The following KAZN variants were observed in gnomAD, a reference collection of about 807,000 sequenced individuals.
The protein encoded by KAZN is kazrin.
KAZN carries 40 observed loss-of-function variants against 87.4 expected under a neutral mutation model. That is an observed-to-expected ratio of 0.46 (90% confidence interval 0.36 to 0.60). The LOEUF (loss-of-function observed/expected upper bound fraction) is 0.60, where lower values mean the gene tolerates loss of function less well. KAZN is among the 20% of genes least tolerant of loss of function. The pLI, the probability that KAZN is intolerant of heterozygous loss-of-function variation, is 0.00. For synonymous variants in KAZN, 466 were observed against 458.3 expected, an observed-to-expected ratio of 1.02 and a Z score of -0.22; for missense variants, 898 against 1,073.9, an observed-to-expected ratio of 0.84 and a Z score of 2.29.
intron 1 of KAZN, among the ~76,000 whole-genome samples, chr1:14,767,083 G>C (rs902636587): frequency 6.6e-6 from 1 of 152,166 alleles, no homozygotes; most frequent in African/African-American, 2.4e-5. Context: ...GATCAGCAGC[G>C]AATGGGTACG....
At chr1:14,947,983 A>G (rs1662031963) in intron 1 of KAZN, among the ~76,000 whole-genome samples, 1 of 152,256 alleles carries the variant, frequency 6.6e-6, no homozygotes, top group African/African-American at 2.4e-5. Flanking sequence ...GGTCACTGGG[A>G]ACAAAGAGAA....
intron 2 of KAZN, among the ~76,000 whole-genome samples, chr1:14,319,617 G>A (rs1557637215): frequency 6.6e-6 from 1 of 152,016 alleles, no homozygotes. Context: ...GCAAATTCCC[G>A]GAACTCCACT....
At chr1:14,579,723 A>T (rs2148559988) in intron 2 of KAZN, among the ~76,000 whole-genome samples, 1 of 152,142 alleles carries the variant, frequency 6.6e-6, no homozygotes, top group East Asian at 1.9e-4. Context: ...TAATCATCTG[A>T]TTCAGAACGA....
chr1:14,791,472 G>A (rs1645672253), intron 1 of KAZN, among the ~76,000 whole-genome samples: 1 of 152,202 alleles, frequency 6.6e-6, no homozygotes. Context: ...CTGGGCCAAG[G>A]AAGCAACACG....
intron 2 of KAZN, among the ~76,000 whole-genome samples, chr1:14,439,656 C>T (rs1289721754): frequency 6.6e-6 from 1 of 152,216 alleles, no homozygotes; most frequent in African/African-American, 2.4e-5. Context: ...ACTACATTTG[C>T]AATTTTGTTT....
At chr1:15,052,244 C>T (rs1021705122) in intron 4 of KAZN, among the ~76,000 whole-genome samples, 1 of 152,098 alleles carries the variant, frequency 6.6e-6, no homozygotes, top group Non-Finnish European at 1.5e-5. Flanking sequence ...GCTTAATGGA[C>T]TCACAGTTCC....
chr1:14,605,927 A>G (rs930507865), intron 1 of KAZN, among the ~76,000 whole-genome samples: 5 of 152,204 alleles, frequency 3.3e-5, no homozygotes, highest in African/African-American at 1.2e-4. Context: ...TCTGAGCCAG[A>G]TACTGTTCTA....
intron 1 of KAZN, among the ~76,000 whole-genome samples, chr1:14,684,846 T>C (rs138600208): frequency 3.3e-4 from 51 of 152,242 alleles, no homozygotes; most frequent in African/African-American, 1.2e-3. Flanking sequence ...CACCTAAAGA[T>C]CCTGAATCCC....
intron 1 of KAZN, among the ~76,000 whole-genome samples, chr1:14,030,442 A>AG (rs1452224799): frequency 1.5e-5 from 1 of 65,598 alleles, no homozygotes; most frequent in African/African-American, 5.8e-5. Flanking sequence ...GGGTGGGGGG[A>AG]GGGGGGAGAG....
intron 1 of KAZN, among the ~76,000 whole-genome samples, chr1:13,960,737 G>A (rs900095084): frequency 1.3e-5 from 2 of 152,212 alleles, no homozygotes; most frequent in African/African-American, 2.4e-5. Context: ...TCCAAAGGCG[G>A]ACTGTCAGGG....
chr1:14,077,219 C>T (rs920395575), intron 1 of KAZN, among the ~76,000 whole-genome samples: 3 of 152,116 alleles, frequency 2.0e-5, no homozygotes, highest in Non-Finnish European at 4.4e-5. Flanking sequence ...CCCAGGTGTT[C>T]GTTCTGCTAT....
chr1:14,270,134 G>A (rs1210578917), intron 2 of KAZN, among the ~76,000 whole-genome samples: 1 of 152,136 alleles, frequency 6.6e-6, no homozygotes, highest in Admixed American at 6.5e-5. Context: ...CATGAGTTTT[G>A]GTAGAGACAA....
At chr1:13,924,492 A>G (rs563015188) in intron 1 of KAZN, among the ~76,000 whole-genome samples, 2 of 152,334 alleles carry the variant, frequency 1.3e-5, no homozygotes, top group Non-Finnish European at 2.9e-5. Flanking sequence ...TGGGGCCCCA[A>G]TATCACTAAT....
intron 2 of KAZN, among the ~76,000 whole-genome samples, chr1:14,247,203 C>T (rs1048887453): frequency 1.3e-5 from 2 of 152,088 alleles, no homozygotes; most frequent in African/African-American, 2.4e-5. Flanking sequence ...ATTTGTTTTA[C>T]TCTTCCTAGA....
At chr1:14,395,448 C>T (rs2101108669) in intron 2 of KAZN, among the ~76,000 whole-genome samples, 1 of 152,182 alleles carries the variant, frequency 6.6e-6, no homozygotes, top group East Asian at 1.9e-4. Flanking sequence ...GGGCTCTTAC[C>T]ACCGCCAGGG....
At chr1:14,453,642 C>T (rs749121192) in intron 2 of KAZN, among the ~76,000 whole-genome samples, 6 of 152,116 alleles carry the variant, frequency 3.9e-5, no homozygotes, top group Admixed American at 3.3e-4. Flanking sequence ...TTGAGACCAG[C>T]CTGGCCAACA....
At chr1:14,700,386 G>A (rs188575912) in intron 1 of KAZN, among the ~76,000 whole-genome samples, 67 of 151,966 alleles carry the variant, frequency 4.4e-4, no homozygotes, top group African/African-American at 1.5e-3. Context: ...GAGGAGAATC[G>A]CTTGAACCCG....
intron 1 of KAZN, among the ~76,000 whole-genome samples, chr1:14,909,316 ATACTC>A (rs138339049): frequency 3.5e-3 from 532 of 152,274 alleles, no homozygotes; most frequent in African/African-American, 0.011. Flanking sequence ...ACAGTTAACT[ATACTC>A]TACTATCTTG....
At chr1:14,483,492 A>G (rs1351126842) in intron 2 of KAZN, among the ~76,000 whole-genome samples, 1 of 152,186 alleles carries the variant, frequency 6.6e-6, no homozygotes, top group Non-Finnish European at 1.5e-5. Flanking sequence ...TTGGATATAA[A>G]CCTCTGTTAA....
Sources: gnomAD v4.1 joint callset for allele counts (sites outside exome capture counted in the v4.1 genomes callset) on GRCh38, gnomAD v4.1.1 for gene constraint, MANE v1.5 for transcripts, NCBI Gene and HGNC (gene_info 2026-07-23, HGNC 2026-07-21) for gene names.